Variants in CPEB1 observed in about 807,000 individuals in gnomAD.
CPEB1 encodes the protein cytoplasmic polyadenylation element binding protein 1.
Under a neutral mutation model 65.8 loss-of-function variants are expected in CPEB1, and 7 were observed. The ratio of observed to expected loss-of-function variants is 0.11; its 90% CI spans 0.06 to 0.20. CPEB1 has a LOEUF of 0.20. Among genes scored for constraint, CPEB1 ranks in the 10% least tolerant of loss-of-function variants. The probability of loss-of-function intolerance (pLI) is 1.00; values close to 1 mark genes in which losing one functional copy is unlikely to be tolerated. For synonymous variants in CPEB1, 262 were observed against 260.0 expected (o/e 1.01, Z -0.08); for missense variants, 551 against 712.2 (o/e 0.77, Z 2.58).
chr15:82,574,722 C>CAAAAAAAAAAAA lies in CPEB1; in HGVS notation c.272-3202_272-3191dup, dbSNP rs534968367. 2.5e-3 allele frequency among the ~76,000 whole-genome samples: 136 copies of CAAAAAAAAAAAA among 53,488 alleles called. 3 individuals are homozygous for CAAAAAAAAAAAA. Among genetic ancestry groups the CAAAAAAAAAAAA allele is most frequent in the Middle Eastern group, 0.016 (1 of 64 alleles). The allele number at this position is 53,488 out of a possible 152,430, so 35.1% of individuals were successfully genotyped here. On this transcript the variant is annotated intron_variant, in intron 3 of 12. Transcript: ENST00000684509. ...TGGGCAACAGAGCTAGACTCGGTCT[C>CAAAAAAAAAAAA]AAAAAAAAAAAAAAAAAAAAAAAAA...
intron 3 of CPEB1, 74 bp downstream of exon 3, chr15:82,627,119 A>G: frequency 2.6e-6 from 3 of 1,173,966 alleles, no homozygotes; most frequent in Non-Finnish European, 2.3e-6. Flanking sequence ...TCCAAGGAAG[A>G]CCTCTTACAT....
At chr15:82,632,512 C>A (rs2046347926) in intron 1 of CPEB1, among the ~76,000 whole-genome samples, 1 of 151,882 alleles carries the variant, frequency 6.6e-6, no homozygotes, top group East Asian at 1.9e-4. Flanking sequence ...TATATTCACA[C>A]ACACACACAC....
At chr15:82,639,937 G>A (rs534266753) in intron 1 of CPEB1, among the ~76,000 whole-genome samples, 1 of 152,058 alleles carries the variant, frequency 6.6e-6, no homozygotes, top group South Asian at 2.1e-4. Context: ...AGTTGTAGGG[G>A]AATTAAACTA....
In CPEB1 at chr15:82,584,114, C is replaced by A. The variant is rs181073878; in HGVS notation, c.272-12582G>T. The stretch of plus-strand genomic sequence containing the variant: ...CTCTATTAAAAATACAAAAAATTAG[C>A]CAGGCATGGCGGTGGGCGCCTGCAG... On this transcript the variant is annotated intron_variant, in intron 3 of 12. Coordinates refer to ENST00000684509, the MANE Select transcript of CPEB1 (RefSeq NM_001365242.1). Among the ~76,000 whole-genome samples the A allele has an allele frequency of 1.1e-4, 17 of 152,060 alleles. No homozygotes were observed. The East Asian group carries it at 3.1e-3, about 28-fold the overall frequency.
At chr15:82,590,202 C>A (rs2042113726) in intron 3 of CPEB1, among the ~76,000 whole-genome samples, 1 of 114,458 alleles carries the variant, frequency 8.7e-6, no homozygotes, top group East Asian at 2.5e-4. Context: ...TCCCCTCATC[C>A]CTTTGACAAA....
intron 4 of CPEB1, among the ~76,000 whole-genome samples, chr15:82,569,157 G>A (rs1236478793): frequency 6.6e-6 from 1 of 152,198 alleles, no homozygotes; most frequent in South Asian, 2.1e-4. Flanking sequence ...GCATGTTCCC[G>A]CATTGCTGGT....
intron 3 of CPEB1, chr15:82,571,890 G>A (rs745599771): frequency 1.1e-5 from 11 of 1,034,376 alleles, no homozygotes; most frequent in Non-Finnish European, 1.3e-5. Context: ...GGACGACAGG[G>A]AGGAGACTTG....
At chr15:82,638,592 C>G (rs1596143276) in intron 1 of CPEB1, 2 of 151,950 alleles carry the variant, frequency 1.3e-5, no homozygotes, top group African/African-American at 2.4e-5. Flanking sequence ...AAATGTCTGC[C>G]AAATACCCAA....
intron 10 of CPEB1, among the ~76,000 whole-genome samples, chr15:82,548,003 A>G (rs1010026651): frequency 5.3e-5 from 8 of 152,294 alleles, no homozygotes; most frequent in Admixed American, 5.2e-4. Flanking sequence ...TCTAGTAGTC[A>G]CACTGAAATT....
At chr15:82,638,546 TATG>T (rs546267183) in intron 1 of CPEB1, 1 of 152,196 alleles carries the variant, frequency 6.6e-6, no homozygotes, top group Non-Finnish European at 1.5e-5. Context: ...AGCTATTTCT[TATG>T]AAGTGACTGA....
intron 3 of CPEB1, among the ~76,000 whole-genome samples, chr15:82,602,062 T>C (rs1456625484): frequency 6.6e-6 from 1 of 152,230 alleles, no homozygotes; most frequent in Non-Finnish European, 1.5e-5. Flanking sequence ...GTACACTGTC[T>C]TTATAAGTAT....
In CPEB1 at chr15:82,562,207, C is replaced by A. The variant is rs1265435789; in HGVS notation, c.461-4221G>T. The A allele has an allele frequency of 6.6e-6, 3 of 454,586 alleles. No individual in the cohort carries two copies. In the Admixed American group the frequency reaches 7.1e-5, roughly 11 times the overall value. The allele number at this position is 454,586 out of a possible 1,614,324, so 28.2% of individuals were successfully genotyped here. A position where few individuals can be genotyped will look rare whatever the true frequency, so the allele number is the denominator to read the frequency against. On this transcript the variant is annotated intron_variant, in intron 4 of 12. Coordinates refer to ENST00000684509, the MANE Select transcript of CPEB1 (RefSeq NM_001365242.1). ...CTTCACATCTGTTTGTCTTCACATT[C>A]CTCAGCACTTTTCCTTTGTCTGAAT...
chr15:82,570,661 A>G (rs148332177), intron 4 of CPEB1, among the ~76,000 whole-genome samples: 1 of 152,034 alleles, frequency 6.6e-6, no homozygotes, highest in Non-Finnish European at 1.5e-5. Flanking sequence ...CCTACCAAGA[A>G]GACAAGGGAT....
At chr15:82,582,651 T>C (rs775256286) in intron 3 of CPEB1, among the ~76,000 whole-genome samples, 1 of 152,010 alleles carries the variant, frequency 6.6e-6, no homozygotes, top group African/African-American at 2.4e-5. Flanking sequence ...CTCAGACCTG[T>C]TTTATCATTA....
intron 1 of CPEB1, among the ~76,000 whole-genome samples, chr15:82,631,610 CATT>C (rs1223505316): frequency 2.0e-5 from 3 of 152,044 alleles, no homozygotes; most frequent in South Asian, 2.1e-4. Context: ...TCAGTCGTAT[CATT>C]ATTATTATTC....
At chr15:82,635,821 G>T (rs990795557) in intron 1 of CPEB1, among the ~76,000 whole-genome samples, 3 of 152,112 alleles carry the variant, frequency 2.0e-5, no homozygotes, top group Non-Finnish European at 4.4e-5. Context: ...AGAGAATAAT[G>T]AAAATGCAGA....
chr15:82,600,841 T>G (rs2151190811), intron 3 of CPEB1, among the ~76,000 whole-genome samples: 1 of 150,490 alleles, frequency 6.6e-6, no homozygotes, highest in African/African-American at 2.4e-5. Context: ...GGAGGTTGGG[T>G]GGGTTCTTCA....
At chr15:82,646,707 C>T (rs1022571505) in intron 1 of CPEB1, among the ~76,000 whole-genome samples, 11 of 152,230 alleles carry the variant, frequency 7.2e-5, no homozygotes, top group African/African-American at 2.4e-4. Flanking sequence ...CTTCTGGTCT[C>T]CCTGGGTCCT....
chr15:82,574,445 C>T (rs1012830036), intron 3 of CPEB1, among the ~76,000 whole-genome samples: 30 of 152,074 alleles, frequency 2.0e-4, no homozygotes, highest in Non-Finnish European at 8.8e-5. Flanking sequence ...AGGCCAGGTG[C>T]AGTGGCTCAA....
Sources: gnomAD v4.1 joint callset for allele counts (sites outside exome capture counted in the v4.1 genomes callset) on GRCh38, gnomAD v4.1.1 for gene constraint, MANE v1.5 for transcripts, NCBI Gene and HGNC (gene_info 2026-07-23, HGNC 2026-07-21) for gene names.